SOX5: variants seen among roughly 807,000 people sequenced by gnomAD.
SOX5 encodes the protein transcription factor SOX-5.
A neutral mutation model predicts 92.0 loss-of-function variants in SOX5; 9 were observed. The ratio of observed to expected loss-of-function variants is 0.10; its 90% CI spans 0.06 to 0.17. The LOEUF is 0.17. Among genes scored for constraint, SOX5 ranks in the 10% least tolerant of loss-of-function variants. The pLI is 1.00. For missense variants in SOX5, 642 were observed against 944.5 expected (o/e 0.68, Z 4.20); for synonymous variants, 344 against 336.3 (o/e 1.02, Z -0.25).
At chr12:23,868,850 G>A (rs1256885504) in intron 2 of SOX5, among the ~76,000 whole-genome samples, 1 of 152,040 alleles carries the variant, frequency 6.6e-6, no homozygotes, top group African/African-American at 2.4e-5. Flanking sequence ...GAGTTCATGA[G>A]ATAGGATTTT....
intron 2 of SOX5, among the ~76,000 whole-genome samples, chr12:24,324,428 T>G (rs866135648): frequency 6.6e-6 from 1 of 152,158 alleles, no homozygotes; most frequent in Non-Finnish European, 1.5e-5. Flanking sequence ...ATCTTGAAAT[T>G]CTTCTTTAGA....
At chr12:23,845,945 G>C in intron 3 of SOX5, 38 bp downstream of exon 3, 1 of 1,465,962 alleles carries the variant, frequency 6.8e-7, no homozygotes, top group South Asian at 1.1e-5. Flanking sequence ...TTAAAATCAG[G>C]ACACAGCATC....
chr12:23,611,560 G>A (rs2075963100), intron 8 of SOX5, among the ~76,000 whole-genome samples: 1 of 151,950 alleles, frequency 6.6e-6, no homozygotes, highest in Non-Finnish European at 1.5e-5. Context: ...CCCAGAAGCG[G>A]GATTGCTGGA....
intron 2 of SOX5, among the ~76,000 whole-genome samples, chr12:23,851,424 G>A (rs905890643): frequency 2.0e-5 from 3 of 151,998 alleles, no homozygotes; most frequent in Admixed American, 6.6e-5. Flanking sequence ...GATACATTGA[G>A]GCAAAACCAA....
chr12:23,582,805 T>C (rs187809940), intron 9 of SOX5, among the ~76,000 whole-genome samples: 1 of 152,262 alleles, frequency 6.6e-6, no homozygotes, highest in Admixed American at 6.6e-5. Flanking sequence ...AAGTAGATGC[T>C]AGTAGTGTGG....
At chr12:23,567,069 G>A (rs1209460048) in intron 10 of SOX5, among the ~76,000 whole-genome samples, 1 of 152,124 alleles carries the variant, frequency 6.6e-6, no homozygotes, top group Non-Finnish European at 1.5e-5. Context: ...TTCCCTATAT[G>A]TTCACTCTTA....
intron 3 of SOX5, among the ~76,000 whole-genome samples, chr12:24,252,510 A>G (rs1940300166): frequency 6.6e-6 from 1 of 152,144 alleles, no homozygotes. Context: ...AGGCCAAAAA[A>G]AAAAAGTTAA....
intron 6 of SOX5, among the ~76,000 whole-genome samples, chr12:23,705,268 A>C (rs2091239381): frequency 6.6e-6 from 1 of 151,980 alleles, no homozygotes; most frequent in Non-Finnish European, 1.5e-5. Flanking sequence ...TACTTCACAG[A>C]CTAAAGTGGC....
intron 4 of SOX5, among the ~76,000 whole-genome samples, chr12:24,106,190 G>GAA (rs11360931): frequency 3.4e-5 from 4 of 118,046 alleles, no homozygotes; most frequent in Admixed American, 8.5e-5. Context: ...CTGGTAATTA[G>GAA]AAAAAAAAAA....
At chr12:24,128,890 T>C (rs1042671103) in intron 4 of SOX5, among the ~76,000 whole-genome samples, 3 of 152,152 alleles carry the variant, frequency 2.0e-5, no homozygotes, top group Admixed American at 6.6e-5. Context: ...TGGGAAACTA[T>C]TGCTGGAGTC....
intron 4 of SOX5, among the ~76,000 whole-genome samples, chr12:24,087,795 C>T (rs773176041): frequency 4.0e-5 from 6 of 151,750 alleles, no homozygotes; most frequent in Non-Finnish European, 7.4e-5. Flanking sequence ...GGAAATCTTC[C>T]TTTTAAAATA....
rs543149965 is a variant in SOX5 at position 24,237,116 on chromosome 12, G to T, written c.-76-23699C>A. ...ATACAACTCCCAGCAGCTTACGTATGCTCTGAATTTACCATGTTAGTGGGT... is the reference window on the plus strand; with the variant it reads ...ATACAACTCCCAGCAGCTTACGTATTCTCTGAATTTACCATGTTAGTGGGT... On this transcript the variant is annotated intron_variant, in intron 3 of 4. Transcript: ENST00000446891. Among the ~76,000 whole-genome samples, 19 of 152,270 alleles carry T rather than the reference G, an allele frequency of 1.2e-4. No homozygotes were observed. The South Asian group carries it at 3.9e-3, about 32-fold the overall frequency.
At chr12:23,537,345 G>A (rs898904165) in intron 13 of SOX5, among the ~76,000 whole-genome samples, 6 of 152,044 alleles carry the variant, frequency 3.9e-5, no homozygotes, top group Non-Finnish European at 7.4e-5. Context: ...TCATAGATGA[G>A]AAAATTGAGA....
At chr12:24,289,189 G>A (rs563372913) in intron 2 of SOX5, among the ~76,000 whole-genome samples, 1 of 151,910 alleles carries the variant, frequency 6.6e-6, no homozygotes, top group Non-Finnish European at 1.5e-5. Flanking sequence ...TCTGAGGCAG[G>A]AGGATCACTT....
At chr12:23,980,728 T>A (rs1271454397) in intron 4 of SOX5, among the ~76,000 whole-genome samples, 2 of 152,138 alleles carry the variant, frequency 1.3e-5, no homozygotes, top group Non-Finnish European at 2.9e-5. Context: ...ATCTTATGTT[T>A]GTCCCCATCT....
At chr12:24,316,905 GA>G (rs1193403534) in intron 2 of SOX5, among the ~76,000 whole-genome samples, 1 of 152,072 alleles carries the variant, frequency 6.6e-6, no homozygotes, top group Non-Finnish European at 1.5e-5. Flanking sequence ...AAGCAGGATT[GA>G]AAAAAACTGG....
intron 3 of SOX5, among the ~76,000 whole-genome samples, chr12:23,776,842 G>T (rs1464502469): frequency 6.6e-6 from 1 of 152,152 alleles, no homozygotes; most frequent in Non-Finnish European, 1.5e-5. Context: ...ACCTCCTGCT[G>T]TGCAGCCCGG....
At position 24,136,373 on chromosome 12, in the gene SOX5, C is replaced by T. The variant is rs572872211; in HGVS notation, c.-2+76970G>A. 6.6e-5 allele frequency among the ~76,000 whole-genome samples: 10 copies of T among 152,276 alleles called. No individual in the cohort carries two copies. The South Asian group carries it at 2.1e-3, about 32-fold the overall frequency. On this transcript the variant is annotated intron_variant, in intron 4 of 4. Coordinates refer to the SOX5 transcript ENST00000446891. ...TTCTGTTCTACTTTTAATAGCTATCCTGGAGAGCAAGCAAGCATTGTTTTC... is the reference window on the plus strand; with the variant it reads ...TTCTGTTCTACTTTTAATAGCTATCTTGGAGAGCAAGCAAGCATTGTTTTC...
rs183172756 is a variant in SOX5 at position 24,541,659 on chromosome 12, C to T, written c.-251+20670G>A. Among the ~76,000 whole-genome samples the T allele has an allele frequency of 3.7e-3, 557 of 152,268 alleles. 2 individuals are homozygous for T. The highest frequency in any genetic ancestry group is 6.7e-3 in the Non-Finnish European group (459 of 68,006). ...GACTCACAGGGATAAAATAAACACA[C>T]TTGTTGTCCTTTCAAAGAAAGTCAA... is the stretch of plus-strand genomic sequence containing the variant. On this transcript the variant is annotated intron_variant, in intron 1 of 4. Transcript: ENST00000446891.
Sources: gnomAD v4.1 joint callset for allele counts (sites outside exome capture counted in the v4.1 genomes callset) on GRCh38, gnomAD v4.1.1 for gene constraint, MANE v1.5 for transcripts, NCBI Gene and HGNC (gene_info 2026-07-23, HGNC 2026-07-21) for gene names.